The following ARIH1 variants were observed in gnomAD, a reference collection of about 807,000 sequenced individuals.
ARIH1 encodes E3 ubiquitin-protein ligase ARIH1.
In ARIH1, 8 loss-of-function variants were observed where a neutral mutation model predicts 85.0. The observed-to-expected ratio is 0.09, with a 90% CI of 0.06 to 0.17. The LOEUF (loss-of-function observed/expected upper bound fraction) is 0.17. Ranked by LOEUF, ARIH1 falls within the 10% of genes least tolerant of loss-of-function variation. The pLI is 1.00. For synonymous variants in ARIH1, 238 were observed against 253.6 expected (o/e 0.94, Z 0.59); for missense variants, 311 against 718.1 (o/e 0.43, Z 6.48).
At chr15:72,508,994 C>CT (rs34620007) in intron 1 of ARIH1, among the ~76,000 whole-genome samples, 7,235 of 137,020 alleles carry the variant, frequency 0.053, 235 homozygotes, top group East Asian at 0.12. Context: ...GTGCCTGGCC[C>CT]TTTTTTTTTT....
intron 7 of ARIH1, among the ~76,000 whole-genome samples, chr15:72,564,257 A>G (rs760092725): frequency 3.3e-5 from 5 of 152,108 alleles, no homozygotes; most frequent in Non-Finnish European, 5.9e-5. Context: ...TCATTTCTCT[A>G]CCTTCCACAA....
At chr15:72,556,450 A>G (rs888333154) in intron 5 of ARIH1, among the ~76,000 whole-genome samples, 23 of 152,224 alleles carry the variant, frequency 1.5e-4, no homozygotes, top group African/African-American at 5.5e-4. Flanking sequence ...TGATATGCTC[A>G]GTTGTTGGCT....
intron 7 of ARIH1, 36 bp downstream of exon 7, chr15:72,563,536 A>C: frequency 6.5e-7 from 1 of 1,530,948 alleles, no homozygotes; most frequent in South Asian, 1.1e-5. Flanking sequence ...AATAGTGCAC[A>C]AAGCGTTTCC....
chr15:72,531,258 T>A (rs1314133266), intron 2 of ARIH1, among the ~76,000 whole-genome samples: 1 of 140,752 alleles, frequency 7.1e-6, no homozygotes, highest in East Asian at 2.1e-4. Flanking sequence ...TCCACATTTT[T>A]ATTTATTTAT....
chr15:72,546,144 T>A (rs1668800124), intron 3 of ARIH1, among the ~76,000 whole-genome samples: 1 of 152,116 alleles, frequency 6.6e-6, no homozygotes, highest in Admixed American at 6.5e-5. Flanking sequence ...TGGGCTCAAG[T>A]GATCCTTTTC....
chr15:72,550,899 C>T (rs1595867651), intron 3 of ARIH1, among the ~76,000 whole-genome samples: 1 of 151,966 alleles, frequency 6.6e-6, no homozygotes. Flanking sequence ...CTTGAACTCC[C>T]GACCTCAGGT....
At chr15:72,513,275 T>C (rs901599993) in intron 1 of ARIH1, among the ~76,000 whole-genome samples, 12 of 152,302 alleles carry the variant, frequency 7.9e-5, no homozygotes, top group African/African-American at 2.6e-4. Context: ...TTGATATATT[T>C]ATTGGCTTTT....
chr15:72,568,586 T>C (rs1173631965), intron 9 of ARIH1, among the ~76,000 whole-genome samples: 1 of 152,154 alleles, frequency 6.6e-6, no homozygotes, highest in African/African-American at 2.4e-5. Flanking sequence ...CTGAAGAGTT[T>C]TTCTCTTGAG....
In ARIH1 at chr15:72,598,328, T is replaced by C. The variant is rs1343056934; in HGVS notation, c.*15036T>C. 6.6e-6 allele frequency: 1 copy of C among 152,216 alleles called. No individual in the cohort carries two copies. Among genetic ancestry groups the C allele is most frequent in the Non-Finnish European group, 1.5e-5 (1 of 68,038 alleles). 9.4% of individuals were successfully genotyped at this position (152,216 alleles called of 1,614,324 possible). On this transcript the variant is annotated 3_prime_UTR_variant, in exon 14 of 14. Coordinates refer to ENST00000379887, the MANE Select transcript of ARIH1 (RefSeq NM_005744.5). ...TTATTTTCTAGCTCATCTGGCCTTTTGTTGTTGTTTGCTAGAGTGGGAGGT... is the reference window on the plus strand; with the variant it reads ...TTATTTTCTAGCTCATCTGGCCTTTCGTTGTTGTTTGCTAGAGTGGGAGGT...
intron 1 of ARIH1, among the ~76,000 whole-genome samples, chr15:72,490,323 G>T (rs899714570): frequency 1.3e-5 from 2 of 152,046 alleles, no homozygotes; most frequent in Non-Finnish European, 2.9e-5. Flanking sequence ...CAATCCTCAG[G>T]CTGTGGCCTG....
intron 1 of ARIH1, among the ~76,000 whole-genome samples, chr15:72,503,393 G>A (rs865954199): frequency 4.6e-4 from 70 of 152,158 alleles, no homozygotes; most frequent in South Asian, 2.1e-4. Flanking sequence ...TGTGACAGTG[G>A]CAACTTCCTG....
intron 1 of ARIH1, among the ~76,000 whole-genome samples, chr15:72,482,612 A>G (rs574844833): frequency 6.6e-6 from 1 of 152,306 alleles, no homozygotes; most frequent in South Asian, 2.1e-4. Context: ...GGTAAGCAGA[A>G]GTCATCACAT....
intron 1 of ARIH1, among the ~76,000 whole-genome samples, chr15:72,492,411 G>A (rs561812005): frequency 5.5e-4 from 83 of 152,060 alleles, no homozygotes; most frequent in African/African-American, 1.9e-3. Flanking sequence ...TATTTTGCTC[G>A]GTAATGAGAA....
chr15:72,474,361 T>C lies in ARIH1; in HGVS notation c.-279T>C, dbSNP rs1363737575. Reference sequence around the variant, plus strand: ...GATAGCAGCGGCCGTGGAGGTGGCGTTGGGGACTGTTTTCTCTCGGAGGCC... The same window carrying C: ...GATAGCAGCGGCCGTGGAGGTGGCGCTGGGGACTGTTTTCTCTCGGAGGCC... On this transcript the variant is annotated 5_prime_UTR_variant, in exon 1 of 14. Transcript: ENST00000379887. 8 of 424,920 alleles carry C rather than the reference T, an allele frequency of 1.9e-5. No individual in the cohort carries two copies. Among genetic ancestry groups the C allele is most frequent in the African/African-American group, 1.5e-4 (7 of 46,278 alleles). The allele number at this position is 424,920 out of a possible 1,614,324, so 26.3% of individuals were successfully genotyped here.
intron 5 of ARIH1, among the ~76,000 whole-genome samples, chr15:72,559,235 A>T (rs2064187415): frequency 6.6e-6 from 1 of 152,046 alleles, no homozygotes; most frequent in African/African-American, 2.4e-5. Context: ...TGCAGTTCAA[A>T]CCTGTGTTGT....
At chr15:72,532,466 A>T (rs978428448) in intron 2 of ARIH1, among the ~76,000 whole-genome samples, 1 of 152,210 alleles carries the variant, frequency 6.6e-6, no homozygotes, top group South Asian at 2.1e-4. Context: ...GTTGAAATTC[A>T]AATGGTTATA....
Position 72,523,939 on chromosome 15 carries a change from CTTTTTTTTTTTT to C in ARIH1, c.443+5819_443+5830del, listed in dbSNP as rs397853910. On this transcript the variant is annotated intron_variant, in intron 2 of 13. Transcript: ENST00000379887. ...AAAATACCGTGTGCTACTTTTACAT[CTTTTTTTTTTTT>C]TTTTTTTTTTTTTGAGATGGAGTCT... is the stretch of plus-strand genomic sequence containing the variant. Among the ~76,000 whole-genome samples, 11 of 61,720 alleles carry C rather than the reference CTTTTTTTTTTTT, an allele frequency of 1.8e-4. 1 individual carries two copies. The East Asian group carries it at 3.6e-3, about 20-fold the overall frequency. 40.5% of individuals were successfully genotyped at this position (61,720 alleles called of 152,430 possible).
intron 1 of ARIH1, among the ~76,000 whole-genome samples, chr15:72,510,161 C>A (rs2063943717): frequency 6.6e-6 from 1 of 152,076 alleles, no homozygotes; most frequent in Admixed American, 6.5e-5. Context: ...CTTTTATTTT[C>A]TTGTTAGGTT....
intron 2 of ARIH1, among the ~76,000 whole-genome samples, chr15:72,537,729 T>C (rs1037163150): frequency 2.0e-5 from 3 of 152,194 alleles, no homozygotes; most frequent in African/African-American, 7.2e-5. Context: ...TGGCAGTTCT[T>C]GGAAGGGTTT....
Sources: allele counts gnomAD v4.1 joint callset (sites outside exome capture counted in the v4.1 genomes callset), GRCh38; gene constraint gnomAD v4.1.1; transcripts MANE v1.5; gene names NCBI Gene and HGNC (gene_info 2026-07-23, HGNC 2026-07-21).